Variants in XPR1 observed in about 807,000 individuals in gnomAD.
XPR1 encodes xenotropic and polytropic retrovirus receptor 1, also known as solute carrier family 53 member 1.
XPR1 carries 28 observed loss-of-function variants against 87.5 expected under a neutral mutation model. The ratio of observed to expected loss-of-function variants is 0.32; its 90% CI spans 0.24 to 0.44. XPR1 has a LOEUF of 0.44. Among genes scored for constraint, XPR1 ranks in the 20% least tolerant of loss-of-function variants. XPR1 has a pLI of 1.00. For missense variants in XPR1, 559 were observed against 862.3 expected (o/e 0.65, Z 4.41); for synonymous variants, 300 against 306.1 (o/e 0.98, Z 0.21).
intron 1 of XPR1, among the ~76,000 whole-genome samples, chr1:180,663,891 A>G (rs1375479155): frequency 6.6e-6 from 1 of 152,154 alleles, no homozygotes; most frequent in Non-Finnish European, 1.5e-5. Flanking sequence ...TTTCTCAGGC[A>G]GAGGAGTCTC....
chr1:180,730,630 C>G (rs774015752), intron 2 of XPR1, among the ~76,000 whole-genome samples: 9 of 152,106 alleles, frequency 5.9e-5, no homozygotes, highest in Non-Finnish European at 1.2e-4. Flanking sequence ...AAGCCCTTCT[C>G]CTTTTGGCAA....
intron 11 of XPR1, among the ~76,000 whole-genome samples, chr1:180,850,823 G>T (rs1033921463): frequency 6.6e-6 from 1 of 152,024 alleles, no homozygotes; most frequent in Non-Finnish European, 1.5e-5. Flanking sequence ...GGCAAGTGTC[G>T]TGGTACACAC....
intron 2 of XPR1, among the ~76,000 whole-genome samples, chr1:180,723,123 C>G (rs1241785374): frequency 6.6e-6 from 1 of 152,096 alleles, no homozygotes; most frequent in Admixed American, 6.5e-5. Flanking sequence ...CTGTCCTCCC[C>G]GTTTCGGCTT....
chr1:180,711,412 G>A (rs1657787296), intron 2 of XPR1, among the ~76,000 whole-genome samples: 1 of 152,220 alleles, frequency 6.6e-6, no homozygotes, highest in Admixed American at 6.5e-5. Context: ...AGGAGCTGGA[G>A]ACCAGCCTGG....
At chr1:180,661,762 C>T (rs1404038417) in intron 1 of XPR1, among the ~76,000 whole-genome samples, 1 of 152,104 alleles carries the variant, frequency 6.6e-6, no homozygotes, top group Non-Finnish European at 1.5e-5. Context: ...GTAGTCCCAG[C>T]TAATCAGGAG....
intron 7 of XPR1, among the ~76,000 whole-genome samples, chr1:180,822,855 C>T (rs1558025451): frequency 6.6e-6 from 1 of 152,116 alleles, no homozygotes; most frequent in Non-Finnish European, 1.5e-5. Flanking sequence ...AAAGCAAAGG[C>T]TTTCTCTACC....
chr1:180,859,277 C>CA (rs1393522025), intron 11 of XPR1, among the ~76,000 whole-genome samples: 1 of 151,986 alleles, frequency 6.6e-6, no homozygotes, highest in Non-Finnish European at 1.5e-5. Flanking sequence ...GCTATGGGTA[C>CA]AAAACTGTAA....
intron 7 of XPR1, among the ~76,000 whole-genome samples, chr1:180,823,133 C>T (rs1650699163): frequency 6.6e-6 from 1 of 151,732 alleles, no homozygotes; most frequent in Non-Finnish European, 1.5e-5. Flanking sequence ...CCCAGCCACT[C>T]AGGAGGCTGA....
At chr1:180,740,002 G>A (rs1043586423) in intron 2 of XPR1, among the ~76,000 whole-genome samples, 1 of 152,016 alleles carries the variant, frequency 6.6e-6, no homozygotes, top group Non-Finnish European at 1.5e-5. Context: ...GTGAGCCACC[G>A]TGCCCGACCA....
chr1:180,704,811 G>GTGGTT (rs1657500356), intron 2 of XPR1, among the ~76,000 whole-genome samples: 1 of 63,602 alleles, frequency 1.6e-5, no homozygotes, highest in Admixed American at 1.6e-4. Flanking sequence ...GGGACTGTTG[G>GTGGTT]TTGTTTTTTT....
chr1:180,694,255 A>G (rs1323459126), intron 2 of XPR1, among the ~76,000 whole-genome samples: 1 of 152,152 alleles, frequency 6.6e-6, no homozygotes, highest in Non-Finnish European at 1.5e-5. Context: ...TGCCATTCTC[A>G]GCCTACTATA....
intron 7 of XPR1, among the ~76,000 whole-genome samples, chr1:180,815,078 G>A (rs1650357105): frequency 6.6e-6 from 1 of 151,990 alleles, no homozygotes; most frequent in South Asian, 2.1e-4. Flanking sequence ...TCAATATAAG[G>A]TATATATGGT....
At chr1:180,783,674 T>G (rs1649029296) in intron 2 of XPR1, among the ~76,000 whole-genome samples, 1 of 152,100 alleles carries the variant, frequency 6.6e-6, no homozygotes, top group Non-Finnish European at 1.5e-5. Flanking sequence ...ATGTATATTA[T>G]TTTTTAAATG....
intron 11 of XPR1, among the ~76,000 whole-genome samples, chr1:180,847,238 G>A (rs1316600989): frequency 6.6e-6 from 1 of 152,098 alleles, no homozygotes; most frequent in East Asian, 1.9e-4. Context: ...GACTAATTCT[G>A]TTTCCTTTCT....
At chr1:180,848,405 C>G (rs1030144250) in intron 11 of XPR1, among the ~76,000 whole-genome samples, 2 of 152,074 alleles carry the variant, frequency 1.3e-5, no homozygotes, top group African/African-American at 2.4e-5. Context: ...TGAGTGAGAC[C>G]ATGTGGTGTT....
At chr1:180,674,608 G>A (rs1306587645) in intron 1 of XPR1, among the ~76,000 whole-genome samples, 1 of 151,216 alleles carries the variant, frequency 6.6e-6, no homozygotes, top group Non-Finnish European at 1.5e-5. Flanking sequence ...TGTGCAGGCT[G>A]GACTTGAACT....
In XPR1 at chr1:180,887,285, G is replaced by A. The variant is rs1054361190; in HGVS notation, c.*3219G>A. 6.6e-6 allele frequency: 1 copy of A among 152,192 alleles called. No homozygotes were observed. The highest frequency in any genetic ancestry group is 1.5e-5 in the Non-Finnish European group (1 of 68,038). The allele number at this position is 152,192 out of a possible 1,614,324, so 9.4% of individuals were successfully genotyped here. On this transcript the variant is annotated 3_prime_UTR_variant, in exon 15 of 15. Transcript: ENST00000367590. ...TTAGAAATTCTAGTTTTATTTTGGAGAATCACTCAGTTTTTAATATCAATT... is the reference window on the plus strand; with the variant it reads ...TTAGAAATTCTAGTTTTATTTTGGAAAATCACTCAGTTTTTAATATCAATT...
At chr1:180,861,661 A>G (rs1419588250) in intron 11 of XPR1, among the ~76,000 whole-genome samples, 1 of 152,086 alleles carries the variant, frequency 6.6e-6, no homozygotes, top group Non-Finnish European at 1.5e-5. Context: ...GCTATTCATG[A>G]GAATCACATG....
At chr1:180,800,194 G>A (rs2176184) in intron 3 of XPR1, among the ~76,000 whole-genome samples, 58,235 of 151,982 alleles carry the variant, frequency 0.38, 11,390 homozygotes, top group African/African-American at 0.42. Context: ...CTGTGGACCA[G>A]CTGGGTCTTT....
Sources: allele counts gnomAD v4.1 joint callset (sites outside exome capture counted in the v4.1 genomes callset), GRCh38; gene constraint gnomAD v4.1.1; transcripts MANE v1.5; gene names NCBI Gene and HGNC (gene_info 2026-07-23, HGNC 2026-07-21).